WASHC2C: variants seen among roughly 807,000 people sequenced by gnomAD.
WASHC2C encodes the protein Vaccinia Penetration Factor.
In WASHC2C, 73 loss-of-function variants were observed where a neutral mutation model predicts 142.2. The observed-to-expected ratio is 0.51, with a 90% confidence interval of 0.43 to 0.62. The LOEUF (loss-of-function observed/expected upper bound fraction) is 0.62. WASHC2C is among the 20% of genes least tolerant of loss of function. WASHC2C has a pLI of 0.00. For missense variants in WASHC2C, 969 were observed against 1,531.7 expected (o/e 0.63, Z 6.13); for synonymous variants, 337 against 565.5 (o/e 0.60, Z 5.73).
intron 5 of WASHC2C, among the ~76,000 whole-genome samples, chr10:45,741,415 G>C (rs1315222293): frequency 6.6e-6 from 1 of 151,706 alleles, no homozygotes; most frequent in East Asian, 1.9e-4. Flanking sequence ...GAAATGGATT[G>C]CCTGGACCAC....
chr10:45,729,724 G>A (rs1287260270), intron 3 of WASHC2C, among the ~76,000 whole-genome samples: 2 of 149,680 alleles, frequency 1.3e-5, no homozygotes, highest in Admixed American at 1.3e-4. Flanking sequence ...TTCTCATAGG[G>A]TGTCCCAACT....
chr10:45,748,870 G>A (rs2053182460), intron 8 of WASHC2C, among the ~76,000 whole-genome samples: 1 of 152,114 alleles, frequency 6.6e-6, no homozygotes. Flanking sequence ...CTCTTCAGAG[G>A]TAACTGGGAT....
At chr10:45,746,560 A>G in intron 7 of WASHC2C, 40 bp from the exon 8 acceptor site, 12 of 1,607,914 alleles carry the variant, frequency 7.5e-6, no homozygotes, top group Non-Finnish European at 1.0e-5. Flanking sequence ...GCTTCTAAGT[A>G]AAGCCCATTT....
intron 20 of WASHC2C, among the ~76,000 whole-genome samples, chr10:45,771,099 G>A (rs1411309443): frequency 2.0e-5 from 3 of 151,740 alleles, no homozygotes; most frequent in African/African-American, 7.3e-5. Flanking sequence ...GGGCGCAGTG[G>A]CTCACGCCTG....
chr10:45,753,493 T>G (rs2134706042), intron 13 of WASHC2C, among the ~76,000 whole-genome samples: 1 of 133,870 alleles, frequency 7.5e-6, no homozygotes, highest in African/African-American at 3.0e-5. Context: ...ACAAGAAAAG[T>G]ACCCTAGAGC....
chr10:45,752,229 C>A (rs2053682888), intron 11 of WASHC2C, among the ~76,000 whole-genome samples: 1 of 152,252 alleles, frequency 6.6e-6, no homozygotes, highest in Admixed American at 6.5e-5. Flanking sequence ...TTGCAGATCC[C>A]TTTGTTTATT....
intron 3 of WASHC2C, among the ~76,000 whole-genome samples, chr10:45,733,873 C>T (rs1212299021): frequency 2.0e-5 from 3 of 152,160 alleles, no homozygotes; most frequent in Non-Finnish European, 4.4e-5. Flanking sequence ...AGGGGAGCCT[C>T]TCAACGTTTA....
chr10:45,739,607 G>GTTTT (rs199640318), intron 4 of WASHC2C, among the ~76,000 whole-genome samples: 1 of 142,834 alleles, frequency 7.0e-6, no homozygotes. Context: ...TAATTGTCCA[G>GTTTT]TTTTTTTTTT....
intron 17 of WASHC2C, among the ~76,000 whole-genome samples, chr10:45,761,847 G>T (rs137878530): frequency 0.085 from 11,190 of 131,426 alleles, no homozygotes; most frequent in Admixed American, 0.15. Flanking sequence ...TGTGTAACAT[G>T]CAGGAGGGGC....
chr10:45,783,408 T>G (rs2057671878), intron 23 of WASHC2C, among the ~76,000 whole-genome samples: 1 of 152,348 alleles, frequency 6.6e-6, no homozygotes, highest in East Asian at 1.9e-4. Flanking sequence ...TTATTGTTAA[T>G]GTGATTTATT....
intron 15 of WASHC2C, among the ~76,000 whole-genome samples, chr10:45,756,695 T>C (rs2054341569): frequency 6.6e-6 from 1 of 152,204 alleles, no homozygotes. Context: ...CCCTCTTAAA[T>C]GATCTTTCTT....
chr10:45,768,475 G>C (rs2596995), intron 19 of WASHC2C, among the ~76,000 whole-genome samples: 6 of 151,650 alleles, frequency 4.0e-5, no homozygotes, highest in African/African-American at 9.7e-5. Context: ...AGAAAATAGG[G>C]GCGGGGCCTG....
chr10:45,742,266 A>G (rs1554868436), intron 5 of WASHC2C, among the ~76,000 whole-genome samples: 1 of 152,258 alleles, frequency 6.6e-6, no homozygotes, highest in Non-Finnish European at 1.5e-5. Context: ...GTGTGGAACC[A>G]CTAGGGGGTA....
intron 8 of WASHC2C, among the ~76,000 whole-genome samples, chr10:45,747,897 T>C (rs1554871934): frequency 1.4e-5 from 2 of 147,682 alleles, no homozygotes; most frequent in Admixed American, 6.8e-5. Context: ...TATTTTCATA[T>C]ATAGAAATCC....
chr10:45,729,156 T>C, intron 3 of WASHC2C, 130 bp downstream of exon 3: 2 of 1,112,922 alleles, frequency 1.8e-6, no homozygotes, highest in South Asian at 2.1e-5. Context: ...AGCTTTTTTC[T>C]CTGGGATTAA....
chr10:45,786,789 C>T, intron 27 of WASHC2C, 115 bp downstream of exon 27: 1 of 1,583,388 alleles, frequency 6.3e-7, no homozygotes, highest in Admixed American at 1.7e-5. Flanking sequence ...CCCCGCCTCC[C>T]CTCCCCTGCA....
rs782589022 is a variant in WASHC2C at position 45,737,965 on chromosome 10, G to A, written c.292-18G>A. 6.2e-7 allele frequency: 1 copy of A among 1,611,598 alleles called. No individual in the cohort carries two copies. Among genetic ancestry groups the A allele is most frequent in the African/African-American group, 1.3e-5 (1 of 74,746 alleles). ...TGACGTGTTGACCTTTTAACATTGA[G>A]TTTGCTTCCATATTTAGCGTGTATA... On this transcript the variant is annotated intron_variant, in intron 3 of 30. Transcript: ENST00000623400.
At chr10:45,742,917 C>T (rs1420972616) in intron 5 of WASHC2C, among the ~76,000 whole-genome samples, 5 of 147,266 alleles carry the variant, frequency 3.4e-5, no homozygotes, top group Non-Finnish European at 6.0e-5. Flanking sequence ...CTCTTATTGC[C>T]CAGGCTAGAG....
At chr10:45,775,680 A>ATTTTTTTTT (rs569006368) in intron 21 of WASHC2C, among the ~76,000 whole-genome samples, 3 of 132,990 alleles carry the variant, frequency 2.3e-5, no homozygotes, top group African/African-American at 5.6e-5. Flanking sequence ...TTTGCATTGA[A>ATTTTTTTTT]TTTTTTTTTT....
Sources: allele counts gnomAD v4.1 joint callset (sites outside exome capture counted in the v4.1 genomes callset), GRCh38; gene constraint gnomAD v4.1.1; transcripts MANE v1.5; gene names NCBI Gene and HGNC (gene_info 2026-07-23, HGNC 2026-07-21).